Variants in DTNA observed in about 807,000 individuals in gnomAD.
DTNA encodes dystrophin-related protein 3.
In DTNA, 43 loss-of-function variants were observed where a neutral mutation model predicts 100.7. That is an observed-to-expected ratio of 0.43 (90% confidence interval 0.33 to 0.55). The LOEUF (loss-of-function observed/expected upper bound fraction) is 0.55, where lower values mean the gene tolerates loss of function less well. Ranked by LOEUF, DTNA falls within the 20% of genes least tolerant of loss-of-function variation. The pLI is 0.04. For synonymous variants in DTNA, 349 were observed against 347.9 expected (o/e 1.00, Z -0.04); for missense variants, 798 against 953.9 (o/e 0.84, Z 2.15).
At chr18:34,800,892 A>G (rs2095182736) in intron 4 of DTNA, among the ~76,000 whole-genome samples, 1 of 152,194 alleles carries the variant, frequency 6.6e-6, no homozygotes, top group African/African-American at 2.4e-5. Flanking sequence ...CTTCCCTGCA[A>G]CTTTTCCATA....
At position 34,727,566 on chromosome 18, in the gene DTNA, CT is replaced by C. The variant is rs944865437; in HGVS notation, c.-2+17130del. Among the ~76,000 whole-genome samples, 10 of 151,316 alleles carry C rather than the reference CT, an allele frequency of 6.6e-5. No homozygotes were observed. In the South Asian group the frequency reaches 1.9e-3, roughly 29 times the overall value. ...CATGATGGAAACCATTTAAAATGTC[CT>C]TTTTTTTTCTTTGAGAGAGACAGTT... On this transcript the variant is annotated intron_variant, in intron 1 of 22. Transcript: ENST00000444659.
At chr18:34,776,532 G>A (rs931941957) in intron 3 of DTNA, among the ~76,000 whole-genome samples, 4 of 152,058 alleles carry the variant, frequency 2.6e-5, no homozygotes, top group Non-Finnish European at 4.4e-5. Flanking sequence ...TAGTAGAGAT[G>A]GGGTTTCACC....
intron 8 of DTNA, among the ~76,000 whole-genome samples, chr18:34,819,453 ACG>A (rs1312247825): frequency 6.6e-6 from 1 of 152,226 alleles, no homozygotes; most frequent in Non-Finnish European, 1.5e-5. Flanking sequence ...ATACATTAAC[ACG>A]GATCATGAAC....
chr18:34,721,795 T>C (rs1600808356), intron 1 of DTNA, among the ~76,000 whole-genome samples: 1 of 149,732 alleles, frequency 6.7e-6, no homozygotes, highest in East Asian at 1.9e-4. Flanking sequence ...ACACACTGTC[T>C]GTATTCTTTA....
Position 34,851,812 on chromosome 18 carries a change from T to C in DTNA, c.1435-19T>C, listed in dbSNP as rs141620769. 801 of 1,612,440 alleles carry C rather than the reference T, an allele frequency of 5.0e-4. 4 individuals carry two copies. The African/African-American group carries it at 9.5e-3, about 19-fold the overall frequency. ...TTCACATTCTCAATATGAAATCTTA[T>C]AAACTACATATTTTACAGCAGCCAC... On this transcript the variant is annotated intron_variant, in intron 14 of 22. Transcript: ENST00000444659.
chr18:34,568,903 G>T (rs146197477), intron 1 of DTNA, among the ~76,000 whole-genome samples: 1 of 152,096 alleles, frequency 6.6e-6, no homozygotes, highest in African/African-American at 2.4e-5. Flanking sequence ...GACATGAGCC[G>T]CCACACCTGG....
intron 1 of DTNA, among the ~76,000 whole-genome samples, chr18:34,503,548 C>T (rs966482430): frequency 4.6e-5 from 7 of 151,592 alleles, no homozygotes; most frequent in African/African-American, 9.7e-5. Flanking sequence ...CCTCCCAAAG[C>T]GCTGGGATTA....
intron 1 of DTNA, among the ~76,000 whole-genome samples, chr18:34,685,560 G>A (rs1423663352): frequency 6.6e-6 from 1 of 152,126 alleles, no homozygotes; most frequent in Non-Finnish European, 1.5e-5. Context: ...TATAGTTTAA[G>A]TTAGGTACTG....
intron 1 of DTNA, among the ~76,000 whole-genome samples, chr18:34,724,574 G>A (rs893755592): frequency 2.0e-5 from 3 of 152,206 alleles, no homozygotes; most frequent in African/African-American, 7.2e-5. Flanking sequence ...AGGTGAAAGG[G>A]AAATAGCATA....
chr18:34,705,678 A>G (rs537628425), upstream of DTNA, among the ~76,000 whole-genome samples: 23 of 152,324 alleles, frequency 1.5e-4, no homozygotes, highest in African/African-American at 5.5e-4. Flanking sequence ...ACTCAAACTC[A>G]GTAATCTCCC....
At position 34,787,296 on chromosome 18, in the gene DTNA, T is replaced by A. The variant is rs575151577; in HGVS notation, c.149-6741T>A. Reference sequence around the variant, plus strand: ...TGTCAGAATCACCTGGAGAGTTTTGTCAAAACCCTTTTCCACTCTTTTATA... The same window carrying A: ...TGTCAGAATCACCTGGAGAGTTTTGACAAAACCCTTTTCCACTCTTTTATA... On this transcript the variant is annotated intron_variant, in intron 3 of 22. Transcript: ENST00000444659. Among the ~76,000 whole-genome samples, 182 of 152,342 alleles carry A rather than the reference T, an allele frequency of 1.2e-3. 1 individual carries two copies. The highest frequency in any genetic ancestry group is 6.8e-3 in the Middle Eastern group (2 of 294).
chr18:34,632,200 C>T (rs1035157268), intron 1 of DTNA, among the ~76,000 whole-genome samples: 5 of 152,102 alleles, frequency 3.3e-5, no homozygotes, highest in African/African-American at 1.2e-4. Context: ...GATTACAGGA[C>T]ATCATGCTTT....
chr18:34,598,604 C>T (rs376028640), intron 1 of DTNA, among the ~76,000 whole-genome samples: 1 of 152,112 alleles, frequency 6.6e-6, no homozygotes. Flanking sequence ...TTGGTTCACG[C>T]CTGTAATTGA....
intron 13 of DTNA, among the ~76,000 whole-genome samples, chr18:34,844,761 G>A (rs2096345295): frequency 6.6e-6 from 1 of 152,056 alleles, no homozygotes; most frequent in African/African-American, 2.4e-5. Flanking sequence ...CCCTAACTTA[G>A]AAAGCAGAAC....
intron 1 of DTNA, among the ~76,000 whole-genome samples, chr18:34,571,821 G>A (rs1479159704): frequency 1.3e-5 from 2 of 152,074 alleles, no homozygotes; most frequent in Non-Finnish European, 2.9e-5. Flanking sequence ...ATTCCAAAAA[G>A]TAGGTACTAC....
At chr18:34,851,529 G>A (rs1198100205) in intron 14 of DTNA, among the ~76,000 whole-genome samples, 3 of 152,252 alleles carry the variant, frequency 2.0e-5, no homozygotes, top group African/African-American at 7.2e-5. Context: ...GGACAGTGTG[G>A]CAAAAATAAA....
Position 34,889,833 on chromosome 18 carries a change from C to A in DTNA, c.*2099C>A. The stretch of plus-strand genomic sequence containing the variant: ...GCACAACTGCACAGTTCTCAGATTT[C>A]TTTGCACAGATTGATTTTTATTGCG... On this transcript the variant is annotated 3_prime_UTR_variant, in exon 23 of 23. Transcript: ENST00000444659. 2.0e-6 allele frequency: 2 copies of A among 994,760 alleles called. No homozygotes were observed. The highest frequency in any genetic ancestry group is 1.2e-6 in the Non-Finnish European group (1 of 835,272). 61.6% of individuals were successfully genotyped at this position (994,760 alleles called of 1,614,324 possible).
intron 11 of DTNA, among the ~76,000 whole-genome samples, chr18:34,831,716 C>T (rs1246063892): frequency 1.3e-5 from 2 of 152,074 alleles, no homozygotes; most frequent in Non-Finnish European, 2.9e-5. Flanking sequence ...TGTGGTGAGC[C>T]GAGATCGTGC....
At chr18:34,754,803 A>G (rs1200589421) in intron 1 of DTNA, among the ~76,000 whole-genome samples, 1 of 152,164 alleles carries the variant, frequency 6.6e-6, no homozygotes. Flanking sequence ...CAGAATTGAA[A>G]GGCATTGTGT....
Sources: gnomAD v4.1 joint callset for allele counts (sites outside exome capture counted in the v4.1 genomes callset) on GRCh38, gnomAD v4.1.1 for gene constraint, MANE v1.5 for transcripts, NCBI Gene and HGNC (gene_info 2026-07-23, HGNC 2026-07-21) for gene names.